Variants in LIMS1 observed in about 807,000 individuals in gnomAD.
LIMS1 encodes LIM and senescent cell antigen-like-containing domain protein 1.
A neutral mutation model predicts 44.1 loss-of-function variants in LIMS1; 18 were observed. That is an observed-to-expected ratio of 0.41 (90% CI 0.28 to 0.61). The LOEUF (loss-of-function observed/expected upper bound fraction) is 0.61. Among genes scored for constraint, LIMS1 ranks in the 20% least tolerant of loss-of-function variants. The pLI is 0.32. For missense variants in LIMS1, 201 were observed against 422.0 expected (o/e 0.48, Z 4.59); for synonymous variants, 93 against 149.1 (o/e 0.62, Z 2.74).
intron 1 of LIMS1, among the ~76,000 whole-genome samples, chr2:108,642,352 T>G (rs1311145438): frequency 1.3e-3 from 11 of 8,202 alleles, no homozygotes; most frequent in African/African-American, 1.9e-3. Flanking sequence ...GTTTTTTTTT[T>G]TTTTTGTTTT....
chr2:108,602,024 G>C (rs748379361), intron 1 of LIMS1, among the ~76,000 whole-genome samples: 12 of 152,014 alleles, frequency 7.9e-5, no homozygotes, highest in Non-Finnish European at 1.5e-4. Flanking sequence ...TCACTTCTTC[G>C]GTTAAATTAA....
intron 2 of LIMS1, among the ~76,000 whole-genome samples, chr2:108,661,901 A>G (rs1432600970): frequency 6.6e-6 from 1 of 152,076 alleles, no homozygotes; most frequent in Non-Finnish European, 1.5e-5. Flanking sequence ...TCTCTCCTGT[A>G]GTCCAGAGAG....
intron 1 of LIMS1, among the ~76,000 whole-genome samples, chr2:108,630,055 G>C (rs200953680): frequency 6.6e-6 from 1 of 152,070 alleles, no homozygotes; most frequent in Non-Finnish European, 1.5e-5. Flanking sequence ...TTAGCCAAGC[G>C]TGGTGGCGTG....
chr2:108,570,295 T>G (rs1240741445), intron 1 of LIMS1, among the ~76,000 whole-genome samples: 1 of 152,060 alleles, frequency 6.6e-6, no homozygotes, highest in African/African-American at 2.4e-5. Context: ...GCCAGCATGG[T>G]GGCGCGTGCC....
intron 1 of LIMS1, among the ~76,000 whole-genome samples, chr2:108,629,275 C>G (rs912419403): frequency 2.9e-4 from 44 of 152,120 alleles, no homozygotes; most frequent in African/African-American, 9.9e-4. Context: ...CAACCATGTT[C>G]GGATGGAAAG....
chr2:108,674,757 T>C (rs1692409160), intron 5 of LIMS1, among the ~76,000 whole-genome samples: 1 of 147,230 alleles, frequency 6.8e-6, no homozygotes, highest in Admixed American at 6.9e-5. Context: ...AAGAAAACAG[T>C]TTGGTTGTAT....
chr2:108,646,278 GTC>G (rs990239541), intron 1 of LIMS1, among the ~76,000 whole-genome samples: 28 of 152,072 alleles, frequency 1.8e-4, no homozygotes, highest in African/African-American at 6.8e-4. Flanking sequence ...AATCATAATG[GTC>G]TCTCAGACCA....
chr2:108,549,279 C>CTTTTTTTTTTTTTTTTTTTTTTTTT (rs71381966), intron 1 of LIMS1, among the ~76,000 whole-genome samples: 1 of 55,784 alleles, frequency 1.8e-5, no homozygotes, highest in Non-Finnish European at 3.1e-5. Context: ...TAAAGTGTTT[C>CTTTTTTTTTTTTTTTTTTTTTTTTT]TTTTTTTTTT....
chr2:108,621,257 G>T, intron 1 of LIMS1: 1 of 1,516,930 alleles, frequency 6.6e-7, no homozygotes, highest in Non-Finnish European at 8.9e-7. Flanking sequence ...AGTCAGGTGT[G>T]CTGAGGTCCC....
At chr2:108,664,317 C>T (rs1227401314) in intron 2 of LIMS1, among the ~76,000 whole-genome samples, 1 of 152,206 alleles carries the variant, frequency 6.6e-6, no homozygotes, top group Non-Finnish European at 1.5e-5. Flanking sequence ...TACTTGAAAG[C>T]AGCTCAGAAT....
At chr2:108,549,620 T>G (rs1364412709) in intron 1 of LIMS1, among the ~76,000 whole-genome samples, 4 of 152,204 alleles carry the variant, frequency 2.6e-5, no homozygotes, top group Non-Finnish European at 4.4e-5. Flanking sequence ...CTGGATTAAA[T>G]TTTTTAGCTG....
At chr2:108,556,271 A>G (rs1459801498) in intron 1 of LIMS1, among the ~76,000 whole-genome samples, 1 of 152,146 alleles carries the variant, frequency 6.6e-6, no homozygotes, top group Non-Finnish European at 1.5e-5. Flanking sequence ...GCTATATCAG[A>G]ATTTTGTTCC....
intron 1 of LIMS1, among the ~76,000 whole-genome samples, chr2:108,557,130 T>G (rs1684949954): frequency 6.6e-6 from 1 of 152,146 alleles, no homozygotes; most frequent in South Asian, 2.1e-4. Context: ...CAGGCTAGAG[T>G]GCAGTAGAGC....
At chr2:108,610,420 T>C (rs1299990612) in intron 1 of LIMS1, among the ~76,000 whole-genome samples, 1 of 152,172 alleles carries the variant, frequency 6.6e-6, no homozygotes. Context: ...TCTTGCCATA[T>C]TTGCTTCACA....
At chr2:108,654,469 T>C (rs1445432491) in intron 1 of LIMS1, among the ~76,000 whole-genome samples, 1 of 152,144 alleles carries the variant, frequency 6.6e-6, no homozygotes, top group East Asian at 1.9e-4. Flanking sequence ...AAGTCAAACA[T>C]AGCTCTTAGT....
At chr2:108,555,387 G>C (rs955007002) in intron 1 of LIMS1, among the ~76,000 whole-genome samples, 1 of 152,108 alleles carries the variant, frequency 6.6e-6, no homozygotes, top group Non-Finnish European at 1.5e-5. Flanking sequence ...TTTGGTTCTG[G>C]CACTCACCTG....
At chr2:108,588,716 T>A in intron 1 of LIMS1, 1 of 610,532 alleles carries the variant, frequency 1.6e-6, no homozygotes, top group Non-Finnish European at 2.1e-6. Context: ...TTGTTGAAAC[T>A]CTCTATGCAG....
chr2:108,550,911 A>G (rs1262847164), intron 1 of LIMS1, among the ~76,000 whole-genome samples: 1 of 152,124 alleles, frequency 6.6e-6, no homozygotes, highest in African/African-American at 2.4e-5. Flanking sequence ...GCTTGAGGCC[A>G]GAAGTTTGAG....
chr2:108,685,995 G>A (rs530926649), exon 10 of LIMS1: 1 of 152,202 alleles, frequency 6.6e-6, no homozygotes, highest in Admixed American at 6.5e-5. Flanking sequence ...CCTGCAGCCA[G>A]AGGTTCCATT....
Sources: allele counts gnomAD v4.1 joint callset (sites outside exome capture counted in the v4.1 genomes callset), GRCh38; gene constraint gnomAD v4.1.1; transcripts MANE v1.5; gene names NCBI Gene and HGNC (gene_info 2026-07-23, HGNC 2026-07-21).